Variants in KCNQ1 observed in about 807,000 individuals in gnomAD.
KCNQ1 encodes potassium voltage-gated channel subfamily Q member 1.
In KCNQ1, 49 loss-of-function variants were observed where a neutral mutation model predicts 72.4. That is an observed-to-expected ratio of 0.68 (90% CI 0.54 to 0.86). The LOEUF is 0.86. Ranked by LOEUF, KCNQ1 falls within the 40% of genes least tolerant of loss-of-function variation. The probability of loss-of-function intolerance (pLI) is 0.00; values close to 1 mark genes in which losing one functional copy is unlikely to be tolerated. For missense variants in KCNQ1, 790 were observed against 945.1 expected (o/e 0.84, Z 2.15); for synonymous variants, 450 against 412.6 (o/e 1.09, Z -1.10).
chr11:2,515,700 A>T lies in KCNQ1; in HGVS notation c.387-12228A>T, dbSNP rs1487163273. On this transcript the variant is annotated intron_variant, in intron 1 of 15. Coordinates refer to ENST00000155840, the MANE Select transcript of KCNQ1 (RefSeq NM_000218.3). The surrounding 1 kb of genome is among the most constrained non-coding windows in gnomAD (Gnocchi z 4.7). ...AGGGCCACATCCATGGGGTCACTTC[A>T]GTTTGTCCTCCCGGCGCCTTCTAAA... Among the ~76,000 whole-genome samples the T allele has an allele frequency of 6.6e-6, 1 of 152,040 alleles. No individual in the cohort carries two copies. Among genetic ancestry groups the T allele is most frequent in the Non-Finnish European group, 1.5e-5 (1 of 67,978 alleles).
At position 2,543,040 on chromosome 11, in the gene KCNQ1, T is replaced by C. The variant is rs1407687360; in HGVS notation, c.477+15022T>C. 6.6e-6 allele frequency among the ~76,000 whole-genome samples: 1 copy of C among 152,232 alleles called. No individual in the cohort carries two copies. Among genetic ancestry groups the C allele is most frequent in the East Asian group, 1.9e-4 (1 of 5,196 alleles). On this transcript the variant is annotated intron_variant, in intron 2 of 15. Transcript: ENST00000155840. The surrounding 1 kb of genome is among the most constrained non-coding windows in gnomAD (Gnocchi z 5.6). ...CTAAGAGGTGTGCGTGGCATCCTGC[T>C]GTGGTTTTAACTTTCATTTCCTAAG...
intron 11 of KCNQ1, among the ~76,000 whole-genome samples, chr11:2,753,486 C>A (rs1036348841): frequency 6.6e-6 from 1 of 152,342 alleles, no homozygotes; most frequent in South Asian, 2.1e-4. Flanking sequence ...AGCCTCCCTA[C>A]CTGCTCTGTG....
rs1362111846 is a variant in KCNQ1 at position 2,537,219 on chromosome 11, C to T, written c.477+9201C>T. Reference sequence around the variant, plus strand: ...TAAATAAAGCTTTATTAGCACACAGCACCACATACTTGAGGGCCTAATGCC... The same window carrying T: ...TAAATAAAGCTTTATTAGCACACAGTACCACATACTTGAGGGCCTAATGCC... On this transcript the variant is annotated intron_variant, in intron 2 of 15. Coordinates refer to ENST00000155840, the MANE Select transcript of KCNQ1 (RefSeq NM_000218.3). The surrounding 1 kb of genome is among the most constrained non-coding windows in gnomAD (Gnocchi z 5.2). 2.6e-5 allele frequency among the ~76,000 whole-genome samples: 4 copies of T among 151,966 alleles called. No homozygotes were observed. The highest frequency in any genetic ancestry group is 4.4e-5 in the Non-Finnish European group (3 of 68,030).
Position 2,528,009 on chromosome 11 carries a change from C to G in KCNQ1, c.468C>G (p.Leu156=), listed in dbSNP as rs775104031. 6.2e-7 allele frequency: 1 copy of G among 1,613,084 alleles called. No individual in the cohort carries two copies. The highest frequency in any genetic ancestry group is 8.5e-7 in the Non-Finnish European group (1 of 1,179,292). ...EQYAALATGT[L]FWMEIVLVVF... ...ATGCCGCCCTGGCCACGGGGACTCTCTTCTGGATGGTACGTAGCATCTGAG... is the reference window on the plus strand; with the variant it reads ...ATGCCGCCCTGGCCACGGGGACTCTGTTCTGGATGGTACGTAGCATCTGAG... The change falls in exon 2 of 16, where the codon CTC becomes CTG. Residue 156 remains leucine (L), a synonymous_variant. Coordinates refer to ENST00000155840, the MANE Select transcript of KCNQ1 (RefSeq NM_000218.3).
At chr11:2,459,210 G>A (rs1230456752) in intron 1 of KCNQ1, among the ~76,000 whole-genome samples, 5 of 152,250 alleles carry the variant, frequency 3.3e-5, no homozygotes, top group African/African-American at 9.6e-5. Flanking sequence ...TGGGGACACT[G>A]TGGTCTGTCT....
At chr11:2,499,536 A>G (rs1846976322) in intron 1 of KCNQ1, among the ~76,000 whole-genome samples, 1 of 148,038 alleles carries the variant, frequency 6.8e-6, no homozygotes, top group Non-Finnish European at 1.5e-5. Context: ...GCCCCCACAA[A>G]AAAAGACCCA....
chr11:2,621,570 A>C lies in KCNQ1; in HGVS notation c.1393+32716A>C. 1 of 398,270 alleles carries C rather than the reference A, an allele frequency of 2.5e-6. No individual in the cohort carries two copies. The highest frequency in any genetic ancestry group is 1.3e-4 in the South Asian group (1 of 7,856). The allele number at this position is 398,270 out of a possible 1,614,324, so 24.7% of individuals were successfully genotyped here. A position where few individuals can be genotyped will look rare whatever the true frequency, so the allele number is the denominator to read the frequency against. ...AGTTTACCACTGTGATCTCTTTGCT[A>C]TTGGTCTGTTCAGGCTTTCTATTCC... On this transcript the variant is annotated intron_variant, in intron 10 of 15. Transcript: ENST00000155840. The surrounding 1 kb of genome is among the most constrained non-coding windows in gnomAD (Gnocchi z 5.7).
At position 2,479,765 on chromosome 11, in the gene KCNQ1, TCTC is replaced by T. The variant is rs1434882260; in HGVS notation, c.386+34285_386+34287del. 4.6e-5 allele frequency among the ~76,000 whole-genome samples: 7 copies of T among 152,230 alleles called. No individual in the cohort carries two copies. The highest frequency in any genetic ancestry group is 1.5e-5 in the Non-Finnish European group (1 of 68,042). ...CAAATTTCTGCAGGCTGCTTGACTTTCTCCTCAGAAAATGGGTTTTTATTTTCT... is the reference window on the plus strand; with the variant it reads ...CAAATTTCTGCAGGCTGCTTGACTTTCTCAGAAAATGGGTTTTTATTTTCT... On this transcript the variant is annotated intron_variant, in intron 1 of 15. Coordinates refer to ENST00000155840, the MANE Select transcript of KCNQ1 (RefSeq NM_000218.3). The surrounding 1 kb of genome is among the most constrained non-coding windows in gnomAD (Gnocchi z 4.6).
intron 1 of KCNQ1, among the ~76,000 whole-genome samples, chr11:2,523,660 A>T (rs914203356): frequency 4.0e-5 from 6 of 151,358 alleles, no homozygotes; most frequent in Admixed American, 6.6e-5. Context: ...GGGTTATCTC[A>T]GCTTCCACAT....
At chr11:2,700,163 T>C (rs1223137701) in intron 11 of KCNQ1, among the ~76,000 whole-genome samples, 2 of 152,100 alleles carry the variant, frequency 1.3e-5, no homozygotes, top group East Asian at 3.9e-4. Flanking sequence ...CGAAAGAGTC[T>C]CGTTTTGATG....
chr11:2,461,284 A>G (rs1846273444), intron 1 of KCNQ1, among the ~76,000 whole-genome samples: 1 of 152,076 alleles, frequency 6.6e-6, no homozygotes, highest in African/African-American at 2.4e-5. Context: ...AGCCTTGGAG[A>G]GGATGGCTTC....
chr11:2,527,678 C>T lies in KCNQ1; in HGVS notation c.387-250C>T, dbSNP rs116759420. Among the ~76,000 whole-genome samples the T allele has an allele frequency of 5.6e-3, 858 of 152,344 alleles. 5 individuals carry two copies. The highest frequency in any genetic ancestry group is 0.02 in the African/African-American group (821 of 41,570). On this transcript the variant is annotated intron_variant, in intron 1 of 15. Transcript: ENST00000155840. Reference sequence around the variant, plus strand: ...GTCACCTGTCTGTGTCTGGCCTTGGCGCCATGTTTCTCGGACCCATCCACG... The same window carrying T: ...GTCACCTGTCTGTGTCTGGCCTTGGTGCCATGTTTCTCGGACCCATCCACG...
chr11:2,800,963 G>A (rs1847251135), intron 15 of KCNQ1, among the ~76,000 whole-genome samples: 1 of 152,182 alleles, frequency 6.6e-6, no homozygotes, highest in Non-Finnish European at 1.5e-5. Context: ...GTTCCAGAAG[G>A]CATGGGGAGG....
chr11:2,588,085 G>A lies in KCNQ1; in HGVS notation c.1251+393G>A, dbSNP rs1408050640. 2.0e-5 allele frequency among the ~76,000 whole-genome samples: 3 copies of A among 152,080 alleles called. No individual in the cohort carries two copies. The highest frequency in any genetic ancestry group is 7.2e-5 in the African/African-American group (3 of 41,386). ...GGGAGGGGAGCAGCAGGGGAGGGAG[G>A]TGAGGCAGGGGTGCAGCGAAGGGGG... On this transcript the variant is annotated intron_variant, in intron 9 of 15. Coordinates refer to ENST00000155840, the MANE Select transcript of KCNQ1 (RefSeq NM_000218.3). This position sits in a 1 kb window ranked among gnomAD's most constrained non-coding sequence, Gnocchi z 5.6.
chr11:2,814,060 T>C (rs1335685268), intron 15 of KCNQ1, among the ~76,000 whole-genome samples: 1 of 147,458 alleles, frequency 6.8e-6, no homozygotes, highest in Non-Finnish European at 1.5e-5. Context: ...GAGAGATGGA[T>C]GAATGGTTAA....
chr11:2,791,570 G>A (rs1847023063), intron 15 of KCNQ1, among the ~76,000 whole-genome samples: 1 of 152,176 alleles, frequency 6.6e-6, no homozygotes, highest in African/African-American at 2.4e-5. Context: ...GGCCGTGCCG[G>A]CTGGGCTGGG....
chr11:2,688,455 C>T (rs1850530531), intron 11 of KCNQ1: 1 of 398,768 alleles, frequency 2.5e-6, no homozygotes, highest in Admixed American at 4.4e-5. Context: ...CACTATTTCA[C>T]AGGAGAACAC....
intron 11 of KCNQ1, chr11:2,689,962 G>T: frequency 2.5e-6 from 1 of 398,844 alleles, no homozygotes. Flanking sequence ...ACTAGCCTCA[G>T]AGCCTGGCTG....
chr11:2,584,899 T>C (rs1414354393), intron 7 of KCNQ1, among the ~76,000 whole-genome samples: 5 of 152,114 alleles, frequency 3.3e-5, no homozygotes, highest in Admixed American at 1.3e-4. Context: ...CAGTGCCCAG[T>C]ATGACCCCTT....
Sources: allele counts gnomAD v4.1 joint callset (sites outside exome capture counted in the v4.1 genomes callset), GRCh38; gene constraint gnomAD v4.1.1; non-coding constraint Gnocchi (gnomAD v3.1); transcripts MANE v1.5; gene names NCBI Gene and HGNC (gene_info 2026-07-23, HGNC 2026-07-21).